The following GAS2 variants were observed in gnomAD, a reference collection of about 807,000 sequenced individuals.
The protein encoded by GAS2 is growth arrest specific 2, also known as growth arrest-specific protein 2.
Under a neutral mutation model 37.5 loss-of-function variants are expected in GAS2, and 20 were observed. The ratio of observed to expected loss-of-function variants is 0.53; its 90% CI spans 0.37 to 0.77. The LOEUF is 0.77. Ranked by LOEUF, GAS2 falls within the 30% of genes least tolerant of loss-of-function variation. The pLI is 0.00. For missense variants in GAS2, 336 were observed against 373.4 expected (o/e 0.90, Z 0.82); for synonymous variants, 144 against 132.2 (o/e 1.09, Z -0.61).
At chr11:22,726,043 C>T (rs1197524815) in intron 3 of GAS2, among the ~76,000 whole-genome samples, 1 of 151,986 alleles carries the variant, frequency 6.6e-6, no homozygotes, top group Non-Finnish European at 1.5e-5. Context: ...CAGCCTGAGC[C>T]AAGAAAAGTA....
At chr11:22,813,050 T>A (rs1857258634), downstream of GAS2, 3 of 152,586 alleles carry the variant, frequency 2.0e-5, no homozygotes, top group Non-Finnish European at 2.9e-5. Context: ...AATTTTCAAA[T>A]GGCAACTTTC....
chr11:22,704,727 T>G (rs1851023501), intron 3 of GAS2, among the ~76,000 whole-genome samples: 1 of 150,150 alleles, frequency 6.7e-6, no homozygotes, highest in Admixed American at 6.7e-5. Context: ...CAAACAAAAC[T>G]CAGAATAAAT....
chr11:22,802,794 G>T (rs1856726286), intron 7 of GAS2, among the ~76,000 whole-genome samples: 1 of 152,100 alleles, frequency 6.6e-6, no homozygotes, highest in Non-Finnish European at 1.5e-5. Context: ...CAATGTTTCA[G>T]TCAATAAGAA....
intron 7 of GAS2, among the ~76,000 whole-genome samples, chr11:22,760,546 A>G (rs1042184461): frequency 2.0e-5 from 3 of 152,356 alleles, no homozygotes; most frequent in Middle Eastern, 3.4e-3. Context: ...TCTGATCATG[A>G]AAGCATATTA....
intron 7 of GAS2, among the ~76,000 whole-genome samples, chr11:22,759,158 A>G (rs927314079): frequency 3.3e-5 from 5 of 152,174 alleles, no homozygotes; most frequent in Non-Finnish European, 7.3e-5. Context: ...ATGAAAAAAT[A>G]AGAATGCCTG....
At chr11:22,674,355 A>C (rs1423402042) in intron 1 of GAS2, among the ~76,000 whole-genome samples, 1 of 152,088 alleles carries the variant, frequency 6.6e-6, no homozygotes, top group African/African-American at 2.4e-5. Flanking sequence ...GCCGTCTCCA[A>C]AAAAGAAGTA....
chr11:22,708,744 C>T (rs1187184990), intron 3 of GAS2, among the ~76,000 whole-genome samples: 1 of 152,180 alleles, frequency 6.6e-6, no homozygotes, highest in Non-Finnish European at 1.5e-5. Context: ...GTCACTGTTC[C>T]ATTCCTCATA....
chr11:22,678,577 T>A (rs1849541758), intron 2 of GAS2, among the ~76,000 whole-genome samples: 1 of 129,446 alleles, frequency 7.7e-6, no homozygotes, highest in Non-Finnish European at 1.6e-5. Context: ...AAGCTTTTAA[T>A]TAGGATTTGC....
intron 7 of GAS2, among the ~76,000 whole-genome samples, chr11:22,779,955 C>T (rs979257579): frequency 5.9e-5 from 9 of 152,272 alleles, no homozygotes; most frequent in Non-Finnish European, 7.4e-5. Context: ...TTCATGATGT[C>T]ATAATCTTTG....
intron 3 of GAS2, among the ~76,000 whole-genome samples, chr11:22,694,773 G>A (rs1289852007): frequency 6.6e-6 from 1 of 152,072 alleles, no homozygotes; most frequent in Non-Finnish European, 1.5e-5. Flanking sequence ...TAATTTTGCT[G>A]AATCTAAAAT....
rs534302931 is a variant in GAS2, at chr11:22,688,903, C to T, written c.267+3114C>T. ...TGAAATCAACCTAGATACTCATCAA[C>T]GGTGGACTGGCTAAGAAAATATGGT... On this transcript the variant is annotated intron_variant, in intron 3 of 7. Transcript: ENST00000454584. Among the ~76,000 whole-genome samples, 7 of 152,224 alleles carry T rather than the reference C, an allele frequency of 4.6e-5. No homozygotes were observed. In the East Asian group the frequency reaches 1.2e-3, roughly 25 times the overall value.
rs548392403 is a variant in GAS2, at chr11:22,649,352, C to A, written c.-21+23539C>A. The stretch of plus-strand genomic sequence containing the variant: ...TATTGAGGATTTTTGCATCAATGTT[C>A]ATCAAGGATATTGGTCTAAAATTCT... On this transcript the variant is annotated intron_variant, in intron 1 of 5. Coordinates refer to the GAS2 transcript ENST00000528582. 1.2e-3 allele frequency among the ~76,000 whole-genome samples: 179 copies of A among 152,024 alleles called. 1 individual carries two copies. Among genetic ancestry groups the A allele is most frequent in the African/African-American group, 4.1e-3 (172 of 41,482 alleles).
intron 7 of GAS2, among the ~76,000 whole-genome samples, chr11:22,780,029 C>G (rs149500488): frequency 6.6e-6 from 1 of 152,178 alleles, no homozygotes; most frequent in Non-Finnish European, 1.5e-5. Flanking sequence ...GATTGTTGCT[C>G]TCTTCCCAGT....
In GAS2 at chr11:22,752,984, G is replaced by A. The variant is rs74833711; in HGVS notation, c.616-2862G>A. Among the ~76,000 whole-genome samples the A allele has an allele frequency of 6.5e-3, 985 of 152,162 alleles. 34 individuals are homozygous for A. In the East Asian group the frequency reaches 0.094, roughly 15 times the overall value. On this transcript the variant is annotated intron_variant, in intron 6 of 7. Coordinates refer to ENST00000454584, the MANE Select transcript of GAS2 (RefSeq NM_001143830.3). ...AGAGTGATTCAGCTGTGATAAAACG[G>A]TGGAGTCAGGTTTAGTTCTCCTCTT...
At chr11:22,796,900 G>A (rs1036923985) in intron 7 of GAS2, among the ~76,000 whole-genome samples, 3 of 152,072 alleles carry the variant, frequency 2.0e-5, no homozygotes, top group African/African-American at 7.2e-5. Context: ...ATGGAGCCCA[G>A]CTTCCCTTCC....
chr11:22,662,659 TA>T (rs111882412), upstream of GAS2, among the ~76,000 whole-genome samples: 3,643 of 148,016 alleles, frequency 0.025, 118 homozygotes, highest in African/African-American at 0.085. Flanking sequence ...AAAGAAAACT[TA>T]AAAAAAAAAC....
At chr11:22,664,865 C>A (rs1368377595), upstream of GAS2, among the ~76,000 whole-genome samples, 2 of 152,056 alleles carry the variant, frequency 1.3e-5, no homozygotes, top group Non-Finnish European at 2.9e-5. Flanking sequence ...TGTATTACTT[C>A]TCTTTTGTCA....
chr11:22,710,102 T>G (rs994131844), intron 3 of GAS2, among the ~76,000 whole-genome samples: 13 of 152,058 alleles, frequency 8.5e-5, no homozygotes, highest in African/African-American at 3.1e-4. Flanking sequence ...GCATGGCACA[T>G]GTATACATAT....
In GAS2 at chr11:22,811,894, A is replaced by G; in HGVS notation, c.820A>G (p.Ile274Val). 6.2e-7 allele frequency: 1 copy of G among 1,614,178 alleles called. No homozygotes were observed. The highest frequency in any genetic ancestry group is 8.5e-7 in the Non-Finnish European group (1 of 1,180,020). The change falls in exon 8 of 8, where the codon ATC becomes GTC. Residue 274 changes from isoleucine to valine, a missense_variant. Physicochemically the swap from Ile to Val is conservative, Grantham distance 29. Transcript: ENST00000454584. ...LKHDPCRMLQ[I>V]SRVDGKTSPI... Reference sequence around the variant, plus strand: ...ACACGACCCCTGCCGAATGCTGCAGATCTCCCGTGTGGATGGCAAAACATC... The same window carrying G: ...ACACGACCCCTGCCGAATGCTGCAGGTCTCCCGTGTGGATGGCAAAACATC...
Sources: gnomAD v4.1 joint callset for allele counts (sites outside exome capture counted in the v4.1 genomes callset) on GRCh38, gnomAD v4.1.1 for gene constraint, MANE v1.5 for transcripts, NCBI Gene and HGNC (gene_info 2026-07-23, HGNC 2026-07-21) for gene names.